The following ODAD1 variants were observed in gnomAD, a reference collection of about 807,000 sequenced individuals.
ODAD1 encodes outer dynein arm docking complex subunit 1.
In ODAD1, 49 loss-of-function variants were observed where a neutral mutation model predicts 67.2. The ratio of observed to expected loss-of-function variants is 0.73; its 90% confidence interval spans 0.58 to 0.92. ODAD1 has a LOEUF of 0.92. Among genes scored for constraint, ODAD1 ranks in the 40% least tolerant of loss-of-function variants. The pLI is 0.00. For missense variants in ODAD1, 897 were observed against 953.7 expected, an observed-to-expected ratio of 0.94 and a Z score of 0.78; for synonymous variants, 345 against 393.7, an observed-to-expected ratio of 0.88 and a Z score of 1.46.
At chr19:48,305,824 G>A (rs1968593661) in intron 8 of ODAD1, among the ~76,000 whole-genome samples, 1 of 151,994 alleles carries the variant, frequency 6.6e-6, no homozygotes, top group Non-Finnish European at 1.5e-5. Flanking sequence ...ACTTTGGGAG[G>A]CAGAGGCGGG....
intron 7 of ODAD1, among the ~76,000 whole-genome samples, chr19:48,310,147 T>C (rs1348952941): frequency 6.6e-6 from 1 of 151,956 alleles, no homozygotes; most frequent in Non-Finnish European, 1.5e-5. Flanking sequence ...GGCAGGAGAA[T>C]CACTTGAACC....
intron 5 of ODAD1, among the ~76,000 whole-genome samples, chr19:48,317,810 C>T (rs572170641): frequency 7.2e-5 from 11 of 152,040 alleles, no homozygotes; most frequent in African/African-American, 2.2e-4. Context: ...CAGTGGCTCA[C>T]GCCTGTAATC....
chr19:48,305,523 G>A (rs569617648), intron 8 of ODAD1, among the ~76,000 whole-genome samples: 38 of 151,468 alleles, frequency 2.5e-4, no homozygotes, highest in African/African-American at 8.0e-4. Flanking sequence ...TCCCACCTCA[G>A]CCTCCCAAGT....
At chr19:48,319,449 C>T (rs1039292907) in intron 3 of ODAD1, 3 of 985,518 alleles carry the variant, frequency 3.0e-6, no homozygotes, top group Non-Finnish European at 3.6e-6. Context: ...CAGTCTTGCC[C>T]GTATGCTCCC....
At chr19:48,321,257 A>G (rs1157605406) in intron 1 of ODAD1, among the ~76,000 whole-genome samples, 1 of 152,118 alleles carries the variant, frequency 6.6e-6, no homozygotes, top group Admixed American at 6.5e-5. Flanking sequence ...ACAAACAAAC[A>G]AACAAAACTG....
At chr19:48,307,275 G>A (rs1217374434) in intron 7 of ODAD1, among the ~76,000 whole-genome samples, 1 of 151,370 alleles carries the variant, frequency 6.6e-6, no homozygotes, top group Non-Finnish European at 1.5e-5. Flanking sequence ...GGAATCAGAG[G>A]TATCAATGTG....
chr19:48,304,534 G>T (rs148358211), intron 8 of ODAD1, among the ~76,000 whole-genome samples: 23 of 151,832 alleles, frequency 1.5e-4, no homozygotes, highest in Non-Finnish European at 2.9e-4. Context: ...CAAGAGAATC[G>T]CTTGAACCTG....
intron 3 of ODAD1, 148 bp downstream of exon 3, chr19:48,320,151 C>T (rs755420215): frequency 6.9e-5 from 59 of 858,610 alleles, no homozygotes; most frequent in Non-Finnish European, 8.2e-5. Context: ...CCGTGGTGCC[C>T]GCCCCGCCTC....
intron 8 of ODAD1, among the ~76,000 whole-genome samples, chr19:48,304,444 C>T (rs1968554362): frequency 6.6e-6 from 1 of 152,150 alleles, no homozygotes; most frequent in Non-Finnish European, 1.5e-5. Context: ...CATGGTGAAA[C>T]TCCATCTCTA....
chr19:48,303,111 A>T lies in ODAD1; in HGVS notation c.989-16T>A. 2 of 1,596,404 alleles carry T rather than the reference A, an allele frequency of 1.3e-6. No individual in the cohort carries two copies. The highest frequency in any genetic ancestry group is 2.2e-5 in the South Asian group (2 of 90,778). The stretch of plus-strand genomic sequence containing the variant: ...CGCTCCTCGACTGGGAGAGTTGGGC[A>T]AGGCGGGGCCCAGAGAGAGGGAGAC... On this transcript the variant is annotated splice_polypyrimidine_tract_variant and intron_variant, in intron 10 of 15. Coordinates refer to ENST00000674294, the MANE Select transcript of ODAD1 (RefSeq NM_001364171.2).
intron 5 of ODAD1, among the ~76,000 whole-genome samples, chr19:48,317,013 A>T (rs1234463705): frequency 1.3e-5 from 2 of 152,116 alleles, no homozygotes; most frequent in Non-Finnish European, 2.9e-5. Context: ...GAAAAGAAAA[A>T]GAAAGTGGGT....
rs1039555111 is a variant in ODAD1 at position 48,297,001 on chromosome 19, G to T, written c.2099C>A (p.Ser700Tyr). 22 of 1,606,522 alleles carry T rather than the reference G, an allele frequency of 1.4e-5. No individual in the cohort carries two copies. The Admixed American group carries it at 3.2e-4, about 23-fold the overall frequency. Reference protein sequence around the residue: ...GPASSTGPGSSTSKDSRG With the variant: ...GPASSTGPGSYTSKDSRG ...TTAGCCCCGGGAGTCTTTGCTGGTG[G>T]AGGAGCCCGGGCCAGTGCTGGAGGC... Residue 700 changes from serine to tyrosine, a missense_variant, in exon 16 of 16, where the codon TCC becomes TAC. Physicochemically the swap from Ser to Tyr is moderately radical, Grantham distance 144. Coordinates refer to ENST00000674294, the MANE Select transcript of ODAD1 (RefSeq NM_001364171.2).
At chr19:48,304,613 G>A (rs1968559092) in intron 8 of ODAD1, among the ~76,000 whole-genome samples, 1 of 28,678 alleles carries the variant, frequency 3.5e-5, no homozygotes, top group Non-Finnish European at 7.1e-5. Flanking sequence ...GAGCGAAACT[G>A]TCTCAAAAAA....
chr19:48,302,388 A>ATGGAT (rs2147314622), intron 12 of ODAD1, among the ~76,000 whole-genome samples: 1 of 151,538 alleles, frequency 6.6e-6, no homozygotes, highest in African/African-American at 2.4e-5. Flanking sequence ...GGATGGATGG[A>ATGGAT]TGGATGGATG....
At position 48,321,838 on chromosome 19, in the gene ODAD1, C is replaced by A. The variant is rs1425467731; in HGVS notation, c.-224G>T. 7.5e-6 allele frequency: 3 copies of A among 398,484 alleles called. No homozygotes were observed. The East Asian group carries it at 1.1e-4, about 14-fold the overall frequency. The allele number at this position is 398,484 out of a possible 1,614,324, so 24.7% of individuals were successfully genotyped here. A position where few individuals can be genotyped will look rare whatever the true frequency, so the allele number is the denominator to read the frequency against. ...GGATTCATAGGAAGGAAGGCGGTGT[C>A]GAAGCCGGGAGTTGCGCGGAGAAGG... On this transcript the variant is annotated 5_prime_UTR_variant, in exon 1 of 16. Transcript: ENST00000674294.
chr19:48,311,794 T>C (rs1268275994), intron 6 of ODAD1, 128 bp from the exon 7 acceptor site: 2 of 785,616 alleles, frequency 2.5e-6, no homozygotes, highest in African/African-American at 1.7e-5. Context: ...CAGAGGTTCT[T>C]TGGGGTTCCC....
At chr19:48,301,834 G>T (rs1213217475) in intron 12 of ODAD1, among the ~76,000 whole-genome samples, 1 of 149,428 alleles carries the variant, frequency 6.7e-6, no homozygotes, top group Non-Finnish European at 1.5e-5. Context: ...TGGATGGATG[G>T]ATGGATGGAT....
chr19:48,312,123 G>T lies in ODAD1; in HGVS notation c.361-7C>A, dbSNP rs983906245. 1.3e-6 allele frequency: 2 copies of T among 1,550,742 alleles called. No individual in the cohort carries two copies. Among genetic ancestry groups the T allele is most frequent in the Admixed American group, 2.0e-5 (1 of 50,912 alleles). On this transcript the variant is annotated splice_polypyrimidine_tract_variant and splice_region_variant and intron_variant, in intron 5 of 15. Transcript: ENST00000674294. ...GCGTCTCCCACTCCTGGATCTACAA[G>T]AAAGAGGATGGTACCTGTTTTTGGT... is the stretch of plus-strand genomic sequence containing the variant.
intron 6 of ODAD1, 82 bp downstream of exon 6, chr19:48,311,912 C>T: frequency 7.5e-7 from 1 of 1,327,496 alleles, no homozygotes; most frequent in Admixed American, 2.1e-5. Flanking sequence ...CACTGCCCAG[C>T]ATTTCCAGAA....
Sources: allele counts gnomAD v4.1 joint callset (sites outside exome capture counted in the v4.1 genomes callset), GRCh38; gene constraint gnomAD v4.1.1; transcripts MANE v1.5; gene names NCBI Gene and HGNC (gene_info 2026-07-23, HGNC 2026-07-21).